Variants in FUT8 observed in about 807,000 individuals in gnomAD.
FUT8 encodes alpha-(1,6)-fucosyltransferase.
Under a neutral mutation model 71.3 loss-of-function variants are expected in FUT8, and 29 were observed. The ratio of observed to expected loss-of-function variants is 0.41; its 90% CI spans 0.30 to 0.55. The LOEUF is 0.55. Among genes scored for constraint, FUT8 ranks in the 20% least tolerant of loss-of-function variants. The pLI is 0.34. For missense variants in FUT8, 544 were observed against 702.1 expected (o/e 0.77, Z 2.55); for synonymous variants, 254 against 239.3 (o/e 1.06, Z -0.57).
intron 3 of FUT8, among the ~76,000 whole-genome samples, chr14:65,571,413 A>G (rs1465297123): frequency 6.6e-6 from 1 of 152,124 alleles, no homozygotes; most frequent in Non-Finnish European, 1.5e-5. Context: ...TTCTCCATGC[A>G]CTTCAGATGA....
At chr14:65,663,575 T>G (rs1273944043) in intron 6 of FUT8, among the ~76,000 whole-genome samples, 1 of 152,176 alleles carries the variant, frequency 6.6e-6, no homozygotes, top group Non-Finnish European at 1.5e-5. Context: ...TTTACTGTTA[T>G]CAGTACAGTC....
rs180839390 is a variant in FUT8 at position 65,578,864 on chromosome 14, A to G, written c.203+17098A>G. On this transcript the variant is annotated intron_variant, in intron 3 of 10. Transcript: ENST00000673929. ...TCTTGTTATTGTTGCTTGTTCAAAT[A>G]GAATGAATTTGATTTTAACATAGTC... 2.9e-3 allele frequency among the ~76,000 whole-genome samples: 437 copies of G among 152,280 alleles called. 6 individuals are homozygous for G. The highest frequency in any genetic ancestry group is 0.01 in the African/African-American group (416 of 41,558).
intron 3 of FUT8, among the ~76,000 whole-genome samples, chr14:65,573,911 C>G (rs4902403): frequency 0.98 from 149,890 of 152,264 alleles, 73,839 homozygotes; most frequent in Middle Eastern, 1. Context: ...CAACCTAGTG[C>G]TGTAAAACAA....
chr14:65,509,470 T>A (rs1319657889), intron 2 of FUT8, among the ~76,000 whole-genome samples: 1 of 152,148 alleles, frequency 6.6e-6, no homozygotes, highest in East Asian at 1.9e-4. Context: ...TCATTGGTAT[T>A]TTGATAGGGA....
chr14:65,488,263 C>T (rs1332002692), intron 2 of FUT8: 4 of 151,528 alleles, frequency 2.6e-5, no homozygotes, highest in African/African-American at 9.7e-5. Context: ...TAGTTGATGA[C>T]ACATCTTCAA....
chr14:65,423,079 G>A lies in FUT8; in HGVS notation c.-326+9865G>A, dbSNP rs1164217198. 5.6e-5 allele frequency among the ~76,000 whole-genome samples: 8 copies of A among 141,904 alleles called. No homozygotes were observed. In the East Asian group the frequency reaches 1.1e-3, roughly 20 times the overall value. The allele number at this position is 141,904 out of a possible 152,430, so 93.1% of individuals were successfully genotyped here. On this transcript the variant is annotated intron_variant, in intron 1 of 10. Transcript: ENST00000673929. ...CGGCTCACTGCAACCTCCGCCTTCC[G>A]AGTTCAAGTGATTCTTCTGCCTCAG...
intron 2 of FUT8, among the ~76,000 whole-genome samples, chr14:65,484,018 C>T (rs981210336): frequency 1.3e-5 from 2 of 152,202 alleles, no homozygotes; most frequent in African/African-American, 4.8e-5. Flanking sequence ...TGAGCCACCA[C>T]ACCCGGCCAA....
chr14:65,455,079 C>G (rs564870551), intron 1 of FUT8, among the ~76,000 whole-genome samples: 1 of 152,022 alleles, frequency 6.6e-6, no homozygotes, highest in East Asian at 1.9e-4. Context: ...AAAAAAATCC[C>G]TGTTTTTTAA....
At chr14:65,506,913 C>T (rs955358784) in intron 2 of FUT8, among the ~76,000 whole-genome samples, 2 of 152,226 alleles carry the variant, frequency 1.3e-5, no homozygotes, top group African/African-American at 4.8e-5. Context: ...GAATAAAGTA[C>T]ACTGACACAC....
At chr14:65,495,087 C>A (rs886526726) in intron 2 of FUT8, among the ~76,000 whole-genome samples, 4 of 151,400 alleles carry the variant, frequency 2.6e-5, no homozygotes, top group Middle Eastern at 3.4e-3. Context: ...GTACCTCTTT[C>A]TGGAACCTTT....
chr14:65,446,418 C>G (rs534564642), intron 1 of FUT8, among the ~76,000 whole-genome samples: 14 of 152,136 alleles, frequency 9.2e-5, no homozygotes, highest in Non-Finnish European at 1.8e-4. Context: ...CTCTTTGTGA[C>G]GTTAGCAGCC....
intron 1 of FUT8, among the ~76,000 whole-genome samples, chr14:65,451,290 T>C (rs1232735092): frequency 1.3e-5 from 2 of 152,248 alleles, no homozygotes; most frequent in Non-Finnish European, 1.5e-5. Context: ...TCAGACCCAC[T>C]GCGTTCTGCC....
At chr14:65,420,161 T>A (rs980560394) in intron 1 of FUT8, among the ~76,000 whole-genome samples, 1 of 152,078 alleles carries the variant, frequency 6.6e-6, no homozygotes, top group Non-Finnish European at 1.5e-5. Flanking sequence ...AAAAAAAGAT[T>A]AGTGTTTAGG....
the FUT8 span, among the ~76,000 whole-genome samples, chr14:65,405,233 A>G: frequency 6.6e-6 from 1 of 152,194 alleles, no homozygotes; most frequent in African/African-American, 2.4e-5. Flanking sequence ...TTCTGCTTAG[A>G]TCTCAATAGG....
the FUT8 span, among the ~76,000 whole-genome samples, chr14:65,359,299 C>T: frequency 6.6e-6 from 1 of 152,306 alleles, no homozygotes; most frequent in African/African-American, 2.4e-5. Context: ...AACCAATAAA[C>T]AAGGCACATT....
chr14:65,387,270 T>G, the FUT8 span, among the ~76,000 whole-genome samples: 1 of 152,220 alleles, frequency 6.6e-6, no homozygotes, highest in African/African-American at 2.4e-5. Context: ...AGAGCAACTT[T>G]TAGTCTAAGG....
intron 2 of FUT8, among the ~76,000 whole-genome samples, chr14:65,471,715 G>A (rs1249585789): frequency 6.6e-6 from 1 of 151,888 alleles, no homozygotes; most frequent in African/African-American, 2.4e-5. Flanking sequence ...ATTCTCTGAT[G>A]GCTCTAAGAA....
chr14:65,500,028 T>G (rs552726824), intron 2 of FUT8, among the ~76,000 whole-genome samples: 1 of 152,220 alleles, frequency 6.6e-6, no homozygotes, highest in African/African-American at 2.4e-5. Flanking sequence ...CAAACTGTTA[T>G]GGAACAATGT....
At chr14:65,418,956 C>T (rs1035172019) in intron 1 of FUT8, among the ~76,000 whole-genome samples, 42 of 152,228 alleles carry the variant, frequency 2.8e-4, no homozygotes, top group African/African-American at 8.9e-4. Flanking sequence ...AGGCCGGGCG[C>T]GGTGGCTCAT....
Sources: allele counts gnomAD v4.1 joint callset (sites outside exome capture counted in the v4.1 genomes callset), GRCh38; gene constraint gnomAD v4.1.1; transcripts MANE v1.5; gene names NCBI Gene and HGNC (gene_info 2026-07-23, HGNC 2026-07-21).